CPED1: variants seen among roughly 807,000 people sequenced by gnomAD.
The protein encoded by CPED1 is cadherin like and PC-esterase domain containing 1.
A neutral mutation model predicts 128.2 loss-of-function variants in CPED1; 114 were observed. The ratio of observed to expected loss-of-function variants is 0.89; its 90% CI spans 0.76 to 1.04. The LOEUF is 1.04. Ranked by LOEUF, CPED1 falls within the 50% of genes least tolerant of loss-of-function variation. CPED1 has a pLI of 0.00. For synonymous variants in CPED1, 462 were observed against 426.7 expected (o/e 1.08, Z -1.02); for missense variants, 1,211 against 1,207.1 (o/e 1.00, Z -0.05).
intron 4 of CPED1, among the ~76,000 whole-genome samples, chr7:121,049,872 A>G (rs1479322808): frequency 6.6e-6 from 1 of 152,202 alleles, no homozygotes; most frequent in East Asian, 1.9e-4. Context: ...GTTTTGTCAC[A>G]TCTGGGGGGA....
chr7:121,208,647 G>C (rs1376536677), intron 16 of CPED1, among the ~76,000 whole-genome samples: 1 of 151,960 alleles, frequency 6.6e-6, no homozygotes, highest in Non-Finnish European at 1.5e-5. Context: ...CTTAACCACT[G>C]TGCTACTAAT....
chr7:121,199,687 A>AG (rs1181146495), intron 16 of CPED1, among the ~76,000 whole-genome samples: 3 of 130,788 alleles, frequency 2.3e-5, no homozygotes, highest in African/African-American at 5.5e-5. Flanking sequence ...AAAAAAAAAA[A>AG]AAAAAAAAAA....
chr7:121,067,578 G>A (rs1450963106), intron 5 of CPED1, among the ~76,000 whole-genome samples: 1 of 152,142 alleles, frequency 6.6e-6, no homozygotes, highest in Admixed American at 6.5e-5. Context: ...AAACATACGT[G>A]TGCATATGTC....
chr7:121,012,916 C>T (rs1488268436), intron 2 of CPED1, among the ~76,000 whole-genome samples: 1 of 152,146 alleles, frequency 6.6e-6, no homozygotes, highest in Non-Finnish European at 1.5e-5. Context: ...TTGATCTTGA[C>T]TGGGGGAAAA....
At chr7:121,008,940 C>G (rs1334161311) in intron 2 of CPED1, among the ~76,000 whole-genome samples, 2 of 152,158 alleles carry the variant, frequency 1.3e-5, no homozygotes, top group African/African-American at 2.4e-5. Context: ...AAAATCTGTC[C>G]CACTGGGTGC....
chr7:121,128,522 A>G lies in CPED1; in HGVS notation c.1407+36A>G, dbSNP rs749998419. 4.5e-6 allele frequency: 5 copies of G among 1,107,082 alleles called. No homozygotes were observed. The African/African-American group carries it at 6.1e-5, about 14-fold the overall frequency. 68.6% of individuals were successfully genotyped at this position (1,107,082 alleles called of 1,614,324 possible). A position where few individuals can be genotyped will look rare whatever the true frequency, so the allele number is the denominator to read the frequency against. ...AGTGACATTTGATTCTTTCTTGGTG[A>G]CTGGGATTAGAGTAGATCACTGTAA... On this transcript the variant is annotated intron_variant, in intron 11 of 22. Coordinates refer to ENST00000310396, the MANE Select transcript of CPED1 (RefSeq NM_024913.5).
At chr7:121,244,008 T>C (rs915156626) in intron 17 of CPED1, among the ~76,000 whole-genome samples, 194 bp from the exon 18 acceptor site, 6 of 152,236 alleles carry the variant, frequency 3.9e-5, no homozygotes, top group African/African-American at 1.4e-4. Flanking sequence ...AAATGTGTTA[T>C]TTCAGAACAT....
At chr7:121,191,041 G>C (rs189302764) in intron 16 of CPED1, among the ~76,000 whole-genome samples, 1 of 152,252 alleles carries the variant, frequency 6.6e-6, no homozygotes, top group Admixed American at 6.5e-5. Context: ...GCCTATAAAT[G>C]CCAAGGTTAC....
intron 16 of CPED1, among the ~76,000 whole-genome samples, chr7:121,202,831 A>G (rs1797429253): frequency 6.6e-6 from 1 of 152,148 alleles, no homozygotes; most frequent in Non-Finnish European, 1.5e-5. Flanking sequence ...AAAAATAGGA[A>G]AGATGTTAAG....
At chr7:121,050,696 C>T (rs1007508885) in intron 4 of CPED1, 1 of 408,530 alleles carries the variant, frequency 2.4e-6, no homozygotes. Context: ...AACTCCTGAC[C>T]TCAGGTGATC....
intron 5 of CPED1, among the ~76,000 whole-genome samples, chr7:121,068,621 C>G (rs1219619138): frequency 1.3e-5 from 2 of 150,386 alleles, no homozygotes; most frequent in African/African-American, 2.4e-5. Flanking sequence ...TCCATATGAA[C>G]TTTAAAGTAG....
intron 16 of CPED1, among the ~76,000 whole-genome samples, chr7:121,212,696 G>GAA (rs34133954): frequency 3.4e-4 from 52 of 150,996 alleles, no homozygotes; most frequent in African/African-American, 1.1e-3. Flanking sequence ...GAATTCATTG[G>GAA]AAAAAAAAAT....
chr7:121,164,056 C>T (rs1796469717), intron 16 of CPED1, among the ~76,000 whole-genome samples: 1 of 152,246 alleles, frequency 6.6e-6, no homozygotes, highest in Admixed American at 6.5e-5. Context: ...CTTTCTTCCA[C>T]TATTTGTGTG....
chr7:120,998,221 T>C (rs762690123), intron 2 of CPED1, among the ~76,000 whole-genome samples: 1 of 152,232 alleles, frequency 6.6e-6, no homozygotes, highest in Non-Finnish European at 1.5e-5. Context: ...AAGCTTCTCT[T>C]GTTTTAAACT....
At chr7:121,259,385 G>A (rs1313770810) in intron 18 of CPED1, among the ~76,000 whole-genome samples, 1 of 151,968 alleles carries the variant, frequency 6.6e-6, no homozygotes, top group Admixed American at 6.6e-5. Context: ...TGAACATTAG[G>A]TGAATATAGG....
rs1318630798 is a variant in CPED1 at position 121,194,041 on chromosome 7, TA to T, written c.2056-42672del. 6.4e-3 allele frequency among the ~76,000 whole-genome samples: 725 copies of T among 112,988 alleles called. 4 individuals are homozygous for T. Among genetic ancestry groups the T allele is most frequent in the Non-Finnish European group, 7.7e-3 (430 of 55,694 alleles). The allele number at this position is 112,988 out of a possible 152,430, so 74.1% of individuals were successfully genotyped here. On this transcript the variant is annotated intron_variant, in intron 16 of 22. Coordinates refer to ENST00000310396, the MANE Select transcript of CPED1 (RefSeq NM_024913.5). ...CTCTCTCTATATATATATATATATA[TA>T]TATATATTTTTTTTTTTTTTTTTTG...
At chr7:121,090,874 A>G (rs941998229) in intron 5 of CPED1, among the ~76,000 whole-genome samples, 1 of 152,056 alleles carries the variant, frequency 6.6e-6, no homozygotes, top group Non-Finnish European at 1.5e-5. Flanking sequence ...GCTTGAACCC[A>G]TAAGGCAGAG....
intron 16 of CPED1, among the ~76,000 whole-genome samples, chr7:121,225,434 G>A (rs1012888947): frequency 6.6e-6 from 1 of 151,984 alleles, no homozygotes; most frequent in African/African-American, 2.4e-5. Flanking sequence ...TTCAACCTTG[G>A]TGAATCTAAC....
intron 14 of CPED1, among the ~76,000 whole-genome samples, chr7:121,139,981 C>T (rs1003225538): frequency 6.6e-6 from 1 of 151,950 alleles, no homozygotes; most frequent in Non-Finnish European, 1.5e-5. Context: ...GAATGAAATA[C>T]TCCTTGACAT....
Sources: gnomAD v4.1 joint callset for allele counts (sites outside exome capture counted in the v4.1 genomes callset) on GRCh38, gnomAD v4.1.1 for gene constraint, MANE v1.5 for transcripts, NCBI Gene and HGNC (gene_info 2026-07-23, HGNC 2026-07-21) for gene names.